Variants in DACH2 observed in about 807,000 individuals in gnomAD.
DACH2 encodes the protein dachshund homolog 2.
DACH2 carries 17 observed loss-of-function variants against 35.8 expected under a neutral mutation model. That is an observed-to-expected ratio of 0.48 (90% CI 0.33 to 0.71). The LOEUF (loss-of-function observed/expected upper bound fraction) is 0.71. Ranked by LOEUF, DACH2 falls within the 30% of genes least tolerant of loss-of-function variation. The pLI, the probability that DACH2 is intolerant of heterozygous loss-of-function variation, is 0.02. For missense variants in DACH2, 469 were observed against 472.7 expected, an observed-to-expected ratio of 0.99 and a Z score of 0.07; for synonymous variants, 195 against 177.3, an observed-to-expected ratio of 1.10 and a Z score of -0.79.
intron 1 of DACH2, among the ~76,000 whole-genome samples, chrX:86,295,493 A>T (rs1257417994): frequency 1.8e-5 from 2 of 111,551 alleles, no homozygotes; most frequent in African/African-American, 6.5e-5. Flanking sequence ...CGGCTTGCTC[A>T]GGAGTTGTGA....
At chrX:86,797,717 A>G (rs2042253012) in intron 7 of DACH2, among the ~76,000 whole-genome samples, 1 of 112,057 alleles carries the variant, frequency 8.9e-6, no homozygotes, top group Non-Finnish European at 1.9e-5. Flanking sequence ...TAACCTGTAG[A>G]TATAAAACAG....
At chrX:86,404,663 CTGT>C (rs1243838312) in intron 2 of DACH2, among the ~76,000 whole-genome samples, 2 of 111,660 alleles carry the variant, frequency 1.8e-5, no homozygotes, top group Non-Finnish European at 3.8e-5. Context: ...ACGATGCAAG[CTGT>C]TGTTGGATCT....
At chrX:86,515,199 C>T (rs2038450339) in intron 3 of DACH2, among the ~76,000 whole-genome samples, 1 of 110,600 alleles carries the variant, frequency 9.0e-6, no homozygotes, top group Non-Finnish European at 1.9e-5. Context: ...GTCCTTGCCA[C>T]GCTAGAACTG....
chrX:86,621,269 G>C (rs2148378047), intron 3 of DACH2, among the ~76,000 whole-genome samples: 1 of 111,519 alleles, frequency 9.0e-6, no homozygotes, highest in East Asian at 2.8e-4. Context: ...CACCTGCAAA[G>C]AAAAGTGGCA....
intron 1 of DACH2, among the ~76,000 whole-genome samples, chrX:86,154,816 C>A (rs2030489039): frequency 9.0e-6 from 1 of 111,418 alleles, no homozygotes; most frequent in African/African-American, 3.3e-5. Flanking sequence ...CATACACTGC[C>A]AGCAATGTCA....
intron 1 of DACH2, among the ~76,000 whole-genome samples, chrX:86,268,634 A>G (rs1339103905): frequency 1.8e-5 from 2 of 108,827 alleles, no homozygotes; most frequent in Non-Finnish European, 3.8e-5. Flanking sequence ...TCCAGGGTGC[A>G]AGCGATTCTC....
chrX:86,344,222 T>A (rs1221329932), intron 1 of DACH2, among the ~76,000 whole-genome samples: 4 of 108,100 alleles, frequency 3.7e-5, no homozygotes, highest in Non-Finnish European at 5.7e-5. Context: ...AAAATAAAAT[T>A]AAATAAATAA....
intron 2 of DACH2, among the ~76,000 whole-genome samples, chrX:86,489,782 G>A (rs771268076): frequency 1.8e-5 from 2 of 111,535 alleles, no homozygotes; most frequent in South Asian, 7.3e-4. Flanking sequence ...TAGATGTATA[G>A]TGCTCGTTAT....
chrX:86,337,223 A>C (rs1289350546), intron 1 of DACH2, among the ~76,000 whole-genome samples: 1 of 111,410 alleles, frequency 9.0e-6, no homozygotes, highest in African/African-American at 3.3e-5. Flanking sequence ...GGAAATACAG[A>C]GAATGCCACA....
intron 2 of DACH2, among the ~76,000 whole-genome samples, chrX:86,461,625 C>G (rs1332502105): frequency 9.0e-6 from 1 of 111,137 alleles, no homozygotes; most frequent in African/African-American, 3.3e-5. Flanking sequence ...ATCTTTCAGA[C>G]AGTTTATTTA....
intron 3 of DACH2, among the ~76,000 whole-genome samples, chrX:86,592,691 A>G (rs1244202577): frequency 8.9e-6 from 1 of 111,839 alleles, no homozygotes; most frequent in Non-Finnish European, 1.9e-5. Flanking sequence ...GTCTACATGG[A>G]TTTCTGTTAT....
chrX:86,293,937 A>G (rs761480274), intron 1 of DACH2, among the ~76,000 whole-genome samples: 12 of 110,672 alleles, frequency 1.1e-4, no homozygotes, highest in Admixed American at 1.1e-3. Flanking sequence ...TCTTTGTGGC[A>G]TTCTCTGTAT....
intron 1 of DACH2, among the ~76,000 whole-genome samples, chrX:86,200,368 G>A (rs1303686388): frequency 9.0e-6 from 1 of 111,131 alleles, no homozygotes; most frequent in African/African-American, 3.3e-5. Context: ...TCTAGACATA[G>A]GATCAGGCAA....
intron 3 of DACH2, among the ~76,000 whole-genome samples, chrX:86,540,518 T>A (rs2038865444): frequency 8.9e-6 from 1 of 112,380 alleles, no homozygotes; most frequent in Non-Finnish European, 1.9e-5. Context: ...AGACAACATA[T>A]GTTTTGATCT....
chrX:86,296,099 G>A (rs2034447737), intron 1 of DACH2, among the ~76,000 whole-genome samples: 1 of 109,990 alleles, frequency 9.1e-6, no homozygotes, highest in Non-Finnish European at 1.9e-5. Context: ...AAATATCTTG[G>A]CCGGGCGAGG....
chrX:86,667,273 G>C (rs1315127886), intron 4 of DACH2, among the ~76,000 whole-genome samples: 7 of 74,175 alleles, frequency 9.4e-5, no homozygotes, highest in African/African-American at 3.7e-4. Context: ...GAGAGAGAAA[G>C]AGAGAGAGAG....
chrX:86,705,147 C>G (rs76499186), intron 5 of DACH2, among the ~76,000 whole-genome samples: 28,239 of 106,267 alleles, frequency 0.27, 3,309 homozygotes, highest in Middle Eastern at 0.41. Context: ...CCACAGCAGC[C>G]TAGATGGAAC....
chrX:86,522,402 G>A (rs1054874988), intron 3 of DACH2, among the ~76,000 whole-genome samples: 1 of 110,889 alleles, frequency 9.0e-6, no homozygotes, highest in African/African-American at 3.3e-5. Context: ...AAGTCCCTTA[G>A]GATCTATTCT....
intron 7 of DACH2, among the ~76,000 whole-genome samples, chrX:86,792,299 T>C (rs2042193815): frequency 8.9e-6 from 1 of 112,129 alleles, no homozygotes; most frequent in African/African-American, 3.2e-5. Context: ...GTCACAAGCG[T>C]AGAATGTGAA....
Sources: gnomAD v4.1 joint callset for allele counts (sites outside exome capture counted in the v4.1 genomes callset) on GRCh38, gnomAD v4.1.1 for gene constraint, MANE v1.5 for transcripts, NCBI Gene and HGNC (gene_info 2026-07-23, HGNC 2026-07-21) for gene names.